The following MACROD2 variants were observed in gnomAD, a reference collection of about 807,000 sequenced individuals.
MACROD2 encodes the protein mono-ADP ribosylhydrolase 2, also known as ADP-ribose glycohydrolase MACROD2.
Under a neutral mutation model 70.4 loss-of-function variants are expected in MACROD2, and 36 were observed. The observed-to-expected ratio is 0.51, with a 90% CI of 0.39 to 0.68. MACROD2 has a LOEUF of 0.68. MACROD2 is among the 30% of genes least tolerant of loss of function. The pLI is 0.00. For synonymous variants in MACROD2, 172 were observed against 178.8 expected (o/e 0.96, Z 0.30); for missense variants, 496 against 538.4 (o/e 0.92, Z 0.78).
intron 8 of MACROD2, among the ~76,000 whole-genome samples, chr20:15,684,149 T>A (rs1192447435): frequency 2.0e-5 from 3 of 152,242 alleles, no homozygotes; most frequent in African/African-American, 7.2e-5. Flanking sequence ...AATGACCTCT[T>A]ATTTTAAACT....
intron 8 of MACROD2, among the ~76,000 whole-genome samples, chr20:15,574,625 G>A (rs2048419747): frequency 6.6e-6 from 1 of 152,100 alleles, no homozygotes; most frequent in Non-Finnish European, 1.5e-5. Context: ...CAGCCTCAGG[G>A]CAATCCAAAT....
intron 4 of MACROD2, among the ~76,000 whole-genome samples, chr20:14,680,505 T>C (rs1420727675): frequency 2.0e-5 from 3 of 152,212 alleles, no homozygotes; most frequent in East Asian, 3.9e-4. Context: ...TAACGAAACG[T>C]CCATATTACT....
intron 8 of MACROD2, among the ~76,000 whole-genome samples, chr20:15,829,724 G>A (rs1008993882): frequency 3.9e-5 from 6 of 152,140 alleles, no homozygotes; most frequent in African/African-American, 1.4e-4. Flanking sequence ...ATTCTCCACA[G>A]TCACACTCTT....
At position 15,561,072 on chromosome 20, in the gene MACROD2, G is replaced by A. The variant is rs551828964; in HGVS notation, c.645+61225G>A. ...CAGACACTGTGATACTCTTGGTGTA[G>A]TCAGGGAACATCAGAAGCTCATACT... On this transcript the variant is annotated intron_variant, in intron 8 of 17. Coordinates refer to ENST00000684519, the MANE Select transcript of MACROD2 (RefSeq NM_001351661.2). Among the ~76,000 whole-genome samples the A allele has an allele frequency of 3.2e-4, 49 of 152,164 alleles. 1 individual carries two copies. The highest frequency in any genetic ancestry group is 5.7e-4 in the Non-Finnish European group (39 of 68,012).
chr20:14,366,242 C>A (rs1036833288), intron 3 of MACROD2, among the ~76,000 whole-genome samples: 1 of 152,006 alleles, frequency 6.6e-6, no homozygotes, highest in Non-Finnish European at 1.5e-5. Flanking sequence ...CTTTTCCCTG[C>A]AATTCTGTCA....
chr20:15,982,703 C>T (rs1406540888), intron 13 of MACROD2, among the ~76,000 whole-genome samples: 1 of 152,094 alleles, frequency 6.6e-6, no homozygotes, highest in African/African-American at 2.4e-5. Context: ...GTGTTGCAAA[C>T]TTCAATGGTT....
intron 9 of MACROD2, among the ~76,000 whole-genome samples, chr20:15,882,058 A>G (rs6110812): frequency 0.055 from 8,333 of 152,154 alleles, 590 homozygotes; most frequent in African/African-American, 0.16. Context: ...CCTATTTTTC[A>G]GATGAAGAAA....
chr20:15,801,050 G>GCGGAAGTC (rs2063720160), intron 8 of MACROD2, among the ~76,000 whole-genome samples: 1 of 150,072 alleles, frequency 6.7e-6, no homozygotes, highest in Non-Finnish European at 1.5e-5. Context: ...CACAAACACT[G>GCGGAAGTC]CGGAAGTCCG....
At chr20:15,256,283 T>A (rs1027890715) in intron 6 of MACROD2, among the ~76,000 whole-genome samples, 1 of 152,092 alleles carries the variant, frequency 6.6e-6, no homozygotes, top group Non-Finnish European at 1.5e-5. Flanking sequence ...GGACACGAGA[T>A]TTGTTTTGTA....
chr20:15,639,890 A>G (rs1427210712), intron 8 of MACROD2, among the ~76,000 whole-genome samples: 1 of 151,890 alleles, frequency 6.6e-6, no homozygotes, highest in Non-Finnish European at 1.5e-5. Context: ...TGTAGGAGAA[A>G]GGAGAGAAAA....
intron 5 of MACROD2, among the ~76,000 whole-genome samples, chr20:14,977,737 A>G (rs1183577396): frequency 6.6e-6 from 1 of 152,138 alleles, no homozygotes; most frequent in Non-Finnish European, 1.5e-5. Flanking sequence ...AGTGAGGATC[A>G]TAGTGGGAGT....
intron 7 of MACROD2, among the ~76,000 whole-genome samples, chr20:15,456,191 C>G (rs879565428): frequency 1.9e-4 from 29 of 152,152 alleles, no homozygotes; most frequent in African/African-American, 7.0e-4. Context: ...CTTTGAACTA[C>G]CTGATCCAAC....
intron 12 of MACROD2, among the ~76,000 whole-genome samples, chr20:15,963,357 C>T (rs1020785562): frequency 6.6e-6 from 1 of 152,132 alleles, no homozygotes; most frequent in Non-Finnish European, 1.5e-5. Flanking sequence ...CAGGGGCTTC[C>T]TCTCTTACTC....
intron 8 of MACROD2, among the ~76,000 whole-genome samples, chr20:15,512,697 A>T (rs901465871): frequency 6.6e-6 from 1 of 152,104 alleles, no homozygotes; most frequent in Non-Finnish European, 1.5e-5. Context: ...CACCACCCTC[A>T]TGTGAATCAG....
intron 6 of MACROD2, among the ~76,000 whole-genome samples, chr20:15,288,903 A>ATCTG (rs1361534458): frequency 2.8e-5 from 4 of 145,250 alleles, no homozygotes; most frequent in Admixed American, 1.4e-4. Flanking sequence ...CTATCTATCT[A>ATCTG]TCTATCTCCT....
chr20:14,976,532 G>A (rs2074741192), intron 5 of MACROD2, among the ~76,000 whole-genome samples: 1 of 152,134 alleles, frequency 6.6e-6, no homozygotes, highest in African/African-American at 2.4e-5. Flanking sequence ...CCCACTGCAA[G>A]GTCTTTAGCT....
intron 3 of MACROD2, among the ~76,000 whole-genome samples, chr20:14,302,624 T>G (rs2078715237): frequency 6.6e-6 from 1 of 152,116 alleles, no homozygotes; most frequent in South Asian, 2.1e-4. Flanking sequence ...TTATTCTTGC[T>G]TATGTTAGAA....
At chr20:14,109,932 A>G (rs2054425740) in intron 3 of MACROD2, among the ~76,000 whole-genome samples, 1 of 151,924 alleles carries the variant, frequency 6.6e-6, no homozygotes, top group South Asian at 2.1e-4. Context: ...CAAAAACACA[A>G]GTACAGGCCA....
intron 8 of MACROD2, among the ~76,000 whole-genome samples, chr20:15,554,985 T>G (rs2048146973): frequency 6.6e-6 from 1 of 152,224 alleles, no homozygotes; most frequent in Non-Finnish European, 1.5e-5. Flanking sequence ...CTTGCAGCAT[T>G]GCAACTAAAA....
Sources: allele counts gnomAD v4.1 joint callset (sites outside exome capture counted in the v4.1 genomes callset), GRCh38; gene constraint gnomAD v4.1.1; transcripts MANE v1.5; gene names NCBI Gene and HGNC (gene_info 2026-07-23, HGNC 2026-07-21).